Variants in FRMPD1 observed in about 807,000 individuals in gnomAD.
FRMPD1 encodes the protein FERM and PDZ domain-containing protein 1.
In FRMPD1, 76 loss-of-function variants were observed where a neutral mutation model predicts 117.8. That is an observed-to-expected ratio of 0.65 (90% confidence interval 0.54 to 0.78). The LOEUF is 0.78. Ranked by LOEUF, FRMPD1 falls within the 30% of genes least tolerant of loss-of-function variation. FRMPD1 has a pLI of 0.00. For missense variants in FRMPD1, 1,786 were observed against 1,964.5 expected (o/e 0.91, Z 1.72); for synonymous variants, 783 against 770.4 (o/e 1.02, Z -0.27).
At chr9:37,641,677 C>G in the FRMPD1 span, among the ~76,000 whole-genome samples, 1 of 152,328 alleles carries the variant, frequency 6.6e-6, no homozygotes, top group South Asian at 2.1e-4. Flanking sequence ...ATCCCTCCCT[C>G]TCCCTATCCT....
At chr9:37,644,641 C>A in the FRMPD1 span, among the ~76,000 whole-genome samples, 1 of 152,164 alleles carries the variant, frequency 6.6e-6, no homozygotes, top group Non-Finnish European at 1.5e-5. Flanking sequence ...GCCATCTTTC[C>A]TCCCCAACAA....
the FRMPD1 span, among the ~76,000 whole-genome samples, chr9:37,628,665 G>A: frequency 3.9e-5 from 6 of 152,290 alleles, no homozygotes; most frequent in African/African-American, 9.6e-5. Flanking sequence ...TCTGGCTGGC[G>A]GCTAAGGGAA....
At chr9:37,702,583 G>C (rs1273399083) in intron 2 of FRMPD1, among the ~76,000 whole-genome samples, 1 of 152,156 alleles carries the variant, frequency 6.6e-6, no homozygotes, top group Non-Finnish European at 1.5e-5. Context: ...AAGGCCCAGG[G>C]GTAAAACTGT....
chr9:37,730,936 G>A (rs1421001530), intron 8 of FRMPD1, 48 bp from the exon 9 acceptor site: 2 of 1,605,730 alleles, frequency 1.2e-6, no homozygotes, highest in African/African-American at 2.7e-5. Flanking sequence ...ATGACTGCAA[G>A]GACAAAGGCA....
intron 15 of FRMPD1, among the ~76,000 whole-genome samples, chr9:37,744,082 CG>C (rs1179384701): frequency 6.6e-6 from 1 of 151,628 alleles, no homozygotes; most frequent in Non-Finnish European, 1.5e-5. Flanking sequence ...TCAGCTACTC[CG>C]GGGGGATGAG....
intron 2 of FRMPD1, among the ~76,000 whole-genome samples, chr9:37,702,247 G>A (rs1304602953): frequency 6.6e-6 from 1 of 152,158 alleles, no homozygotes; most frequent in Non-Finnish European, 1.5e-5. Context: ...TAACATATTA[G>A]ATATGTACAG....
chr9:37,692,860 A>T, intron 2 of FRMPD1, 118 bp downstream of exon 2: 1 of 766,882 alleles, frequency 1.3e-6, no homozygotes, highest in Non-Finnish European at 2.3e-6. Context: ...TTGTTCTTAC[A>T]CCATATGGTG....
chr9:37,733,148 C>T (rs1265802239), intron 10 of FRMPD1, among the ~76,000 whole-genome samples: 1 of 152,116 alleles, frequency 6.6e-6, no homozygotes, highest in Admixed American at 6.6e-5. Context: ...GTGTCTTGTA[C>T]TCTCTTGTAT....
upstream of FRMPD1, among the ~76,000 whole-genome samples, chr9:37,650,815 C>T (rs992314937): frequency 6.7e-6 from 1 of 149,642 alleles, no homozygotes; most frequent in Non-Finnish European, 1.5e-5. Context: ...AGGCGGCGCG[C>T]GGGGCTCCTC....
At chr9:37,640,040 G>C in the FRMPD1 span, among the ~76,000 whole-genome samples, 1 of 151,062 alleles carries the variant, frequency 6.6e-6, no homozygotes, top group Non-Finnish European at 1.5e-5. Context: ...AATAGCACTG[G>C]GACTAAGCAT....
chr9:37,718,650 G>A (rs1238179146), intron 5 of FRMPD1, among the ~76,000 whole-genome samples: 1 of 151,744 alleles, frequency 6.6e-6, no homozygotes, highest in Admixed American at 6.6e-5. Flanking sequence ...CTGAAGGCCA[G>A]AGAGCGGCAA....
At position 37,746,339 on chromosome 9, in the gene FRMPD1, T is replaced by TA; in HGVS notation, c.4308dup (p.Glu1437ArgfsTer56). 1 of 1,612,738 alleles carries TA rather than the reference T, an allele frequency of 6.2e-7. No individual in the cohort carries two copies. Among genetic ancestry groups the TA allele is most frequent in the East Asian group, 2.2e-5 (1 of 44,868 alleles). On this transcript the variant is annotated frameshift_variant, in exon 16 of 16. Transcript: ENST00000377765. LOFTEE classifies it high-confidence loss of function. ...AGCTTGCTGGAGCTACAAGACATTT[T>TA]AGAAACTTCCTGGGGGGTTGGAAAC...
chr9:37,632,744 A>C, the FRMPD1 span, among the ~76,000 whole-genome samples: 1 of 152,254 alleles, frequency 6.6e-6, no homozygotes, highest in African/African-American at 2.4e-5. Flanking sequence ...TACTCTAATT[A>C]GCCAAGACTG....
intron 15 of FRMPD1, among the ~76,000 whole-genome samples, chr9:37,741,622 G>A (rs1824426885): frequency 6.6e-6 from 1 of 152,120 alleles, no homozygotes; most frequent in Admixed American, 6.5e-5. Flanking sequence ...TCTATTCCCA[G>A]ACCTCCTGTG....
rs149567035 is a variant in FRMPD1, at chr9:37,707,807, C to T, written c.259+234C>T. Reference sequence around the variant, plus strand: ...AGGCTCCCACTGGCCTTGGCTAGGGCGTTGCCCACCCTTGGCTCCCTGGCT... The same window carrying T: ...AGGCTCCCACTGGCCTTGGCTAGGGTGTTGCCCACCCTTGGCTCCCTGGCT... On this transcript the variant is annotated intron_variant, in intron 3 of 15. Coordinates refer to ENST00000377765, the MANE Select transcript of FRMPD1 (RefSeq NM_014907.3). Among the ~76,000 whole-genome samples, 699 of 152,352 alleles carry T rather than the reference C, an allele frequency of 4.6e-3. 4 individuals are homozygous for T. Among genetic ancestry groups the T allele is most frequent in the African/African-American group, 0.016 (658 of 41,586 alleles).
intron 1 of FRMPD1, among the ~76,000 whole-genome samples, chr9:37,663,107 G>C (rs1019171037): frequency 2.0e-5 from 3 of 152,116 alleles, no homozygotes; most frequent in Non-Finnish European, 4.4e-5. Context: ...TAGAAGTTTA[G>C]CCTAGTGTTG....
intron 4 of FRMPD1, among the ~76,000 whole-genome samples, chr9:37,709,561 A>C (rs1293909576): frequency 6.6e-6 from 1 of 152,192 alleles, no homozygotes; most frequent in African/African-American, 2.4e-5. Flanking sequence ...TCTCAAAAAA[A>C]GAGAGAAAGA....
At chr9:37,630,276 G>A in the FRMPD1 span, among the ~76,000 whole-genome samples, 7 of 152,198 alleles carry the variant, frequency 4.6e-5, no homozygotes, top group Non-Finnish European at 8.8e-5. Context: ...AATTGATAGT[G>A]CCTTAGGTCC....
chr9:37,618,653 T>G, the FRMPD1 span, among the ~76,000 whole-genome samples: 1 of 152,168 alleles, frequency 6.6e-6, no homozygotes, highest in East Asian at 1.9e-4. Context: ...CTTCCAATCA[T>G]ACACCTCTCC....
Sources: allele counts gnomAD v4.1 joint callset (sites outside exome capture counted in the v4.1 genomes callset), GRCh38; gene constraint gnomAD v4.1.1; transcripts MANE v1.5; gene names NCBI Gene and HGNC (gene_info 2026-07-23, HGNC 2026-07-21).